The following PLCB1 variants were observed in gnomAD, a reference collection of about 807,000 sequenced individuals.
PLCB1 encodes the protein phospholipase C beta 1.
A neutral mutation model predicts 161.8 loss-of-function variants in PLCB1; 46 were observed. That is an observed-to-expected ratio of 0.28 (90% confidence interval 0.22 to 0.36). PLCB1 has a LOEUF of 0.36. Among genes scored for constraint, PLCB1 ranks in the 10% least tolerant of loss-of-function variants. The pLI is 1.00. For synonymous variants in PLCB1, 517 were observed against 503.7 expected (o/e 1.03, Z -0.35); for missense variants, 1,016 against 1,472.5 (o/e 0.69, Z 5.07).
chr20:8,584,035 C>T (rs1986911890), intron 3 of PLCB1, among the ~76,000 whole-genome samples: 1 of 152,050 alleles, frequency 6.6e-6, no homozygotes, highest in Non-Finnish European at 1.5e-5. Context: ...AAACGGAGCA[C>T]TCTAGCAGAG....
At chr20:8,583,645 C>T (rs778887488) in intron 3 of PLCB1, among the ~76,000 whole-genome samples, 11 of 152,272 alleles carry the variant, frequency 7.2e-5, no homozygotes, top group South Asian at 2.1e-4. Flanking sequence ...AATATCATTA[C>T]GTAATTCTCC....
chr20:8,652,788 A>G (rs948504768), intron 7 of PLCB1: 5 of 152,094 alleles, frequency 3.3e-5, no homozygotes, highest in African/African-American at 9.7e-5. Flanking sequence ...ATCCTGGCTG[A>G]CGTGATCCAC....
At chr20:8,765,515 G>T (rs1007137846) in intron 26 of PLCB1, among the ~76,000 whole-genome samples, 157 bp downstream of exon 26, 2 of 152,182 alleles carry the variant, frequency 1.3e-5, no homozygotes, top group African/African-American at 4.8e-5. Context: ...GCCCAGATTT[G>T]CTTGTGAATT....
intron 2 of PLCB1, among the ~76,000 whole-genome samples, chr20:8,208,711 A>G (rs571177159): frequency 5.3e-5 from 8 of 152,116 alleles, no homozygotes; most frequent in Admixed American, 3.9e-4. Flanking sequence ...CACATACACA[A>G]ACATAAGAAA....
intron 2 of PLCB1, among the ~76,000 whole-genome samples, chr20:8,177,166 G>T (rs2051792085): frequency 6.6e-6 from 1 of 152,208 alleles, no homozygotes; most frequent in South Asian, 2.1e-4. Context: ...AGTATTAAAA[G>T]GTGAGTCTTT....
chr20:8,557,266 T>G (rs1307998751), intron 3 of PLCB1, among the ~76,000 whole-genome samples: 1 of 152,002 alleles, frequency 6.6e-6, no homozygotes, highest in Non-Finnish European at 1.5e-5. Context: ...AGCAGCATTA[T>G]TCACAATAGA....
At chr20:8,771,534 G>A (rs566665236) in intron 26 of PLCB1, among the ~76,000 whole-genome samples, 5 of 152,118 alleles carry the variant, frequency 3.3e-5, no homozygotes, top group East Asian at 3.9e-4. Context: ...AGAGACAAGC[G>A]TTTTCCTAGT....
chr20:8,792,812 A>G (rs954844722), intron 31 of PLCB1: 1 of 356,878 alleles, frequency 2.8e-6, no homozygotes, highest in Non-Finnish European at 5.5e-6. Flanking sequence ...ATGGTGGTTA[A>G]TAAAGGGAAA....
intron 2 of PLCB1, among the ~76,000 whole-genome samples, chr20:8,293,513 GT>G (rs1403741117): frequency 1.3e-5 from 2 of 152,094 alleles, no homozygotes; most frequent in African/African-American, 4.8e-5. Flanking sequence ...CATTCTTGAA[GT>G]GTGTTTTTAA....
rs994028965 is a variant in PLCB1, at chr20:8,723,731, A to G, written c.1582-925A>G. On this transcript the variant is annotated intron_variant, in intron 15 of 31. Transcript: ENST00000338037. ...ACAGAGCAATTAAGTAAGTTGCCCA[A>G]GGTTGCCCGGTTTCTAACTAGTGGA... Among the ~76,000 whole-genome samples, 6 of 152,242 alleles carry G rather than the reference A, an allele frequency of 3.9e-5. 1 individual carries two copies. The highest frequency in any genetic ancestry group is 6.5e-5 in the Admixed American group (1 of 15,286).
chr20:8,334,829 C>G (rs1051603913), intron 2 of PLCB1, among the ~76,000 whole-genome samples: 3 of 152,232 alleles, frequency 2.0e-5, no homozygotes, highest in Non-Finnish European at 4.4e-5. Flanking sequence ...AGACCTACCT[C>G]TGCCCCATGC....
chr20:8,719,793 G>A (rs757096873), intron 14 of PLCB1, among the ~76,000 whole-genome samples: 4 of 151,890 alleles, frequency 2.6e-5, no homozygotes, highest in Non-Finnish European at 4.4e-5. Flanking sequence ...TTTTCTGTAC[G>A]CCTGTTATAC....
At chr20:8,770,529 C>T (rs1311615216) in intron 26 of PLCB1, among the ~76,000 whole-genome samples, 1 of 152,182 alleles carries the variant, frequency 6.6e-6, no homozygotes, top group Non-Finnish European at 1.5e-5. Context: ...CTCAGGAGGT[C>T]CAGATGACAT....
At chr20:8,639,905 A>C (rs6055964) in intron 4 of PLCB1, among the ~76,000 whole-genome samples, 3,101 of 152,220 alleles carry the variant, frequency 0.02, 90 homozygotes, top group African/African-American at 0.067. Flanking sequence ...AAAAAAAAAA[A>C]AACTGTGTTT....
chr20:8,503,478 C>T (rs567205751), intron 3 of PLCB1, among the ~76,000 whole-genome samples: 2 of 152,274 alleles, frequency 1.3e-5, no homozygotes, highest in African/African-American at 4.8e-5. Context: ...TTAGGAGACA[C>T]CTGCTATGTG....
At chr20:8,750,930 A>ACC in intron 23 of PLCB1, 1 of 532,846 alleles carries the variant, frequency 1.9e-6, no homozygotes, top group Non-Finnish European at 2.6e-6. Context: ...AAAGAACTGC[A>ACC]CTCTTTTTTT....
Position 8,760,389 on chromosome 20 carries a change from T to G in PLCB1, c.2657-18T>G, listed in dbSNP as rs1981957780. ...TAAAAAGTTGAAGAGGCTATTTATT[T>G]TATCTTTTATATTACAGGTTCTGTA... On this transcript the variant is annotated intron_variant, in intron 24 of 31. Coordinates refer to ENST00000338037, the MANE Select transcript of PLCB1 (RefSeq NM_015192.4). 6.5e-7 allele frequency: 1 copy of G among 1,549,016 alleles called. No homozygotes were observed. Among genetic ancestry groups the G allele is most frequent in the Admixed American group, 1.7e-5 (1 of 58,628 alleles).
chr20:8,519,831 A>G (rs1400579450), intron 3 of PLCB1, among the ~76,000 whole-genome samples: 1 of 152,198 alleles, frequency 6.6e-6, no homozygotes, highest in Non-Finnish European at 1.5e-5. Context: ...TCATGTATTA[A>G]ATCCTGGAGA....
intron 2 of PLCB1, among the ~76,000 whole-genome samples, chr20:8,261,189 G>A (rs557700904): frequency 6.6e-6 from 1 of 152,184 alleles, no homozygotes; most frequent in South Asian, 2.1e-4. Context: ...AAGAATCCCT[G>A]TCTCAGGCTC....
Sources: gnomAD v4.1 joint callset for allele counts (sites outside exome capture counted in the v4.1 genomes callset) on GRCh38, gnomAD v4.1.1 for gene constraint, MANE v1.5 for transcripts, NCBI Gene and HGNC (gene_info 2026-07-23, HGNC 2026-07-21) for gene names.